Variants in PDE4D observed in about 807,000 individuals in gnomAD.
PDE4D encodes the protein 3',5'-cyclic-AMP phosphodiesterase 4D.
Under a neutral mutation model 87.4 loss-of-function variants are expected in PDE4D, and 24 were observed. That is an observed-to-expected ratio of 0.27 (90% CI 0.20 to 0.39). PDE4D has a LOEUF of 0.39. Among genes scored for constraint, PDE4D ranks in the 10% least tolerant of loss-of-function variants. The probability of loss-of-function intolerance (pLI) is 1.00; values close to 1 mark genes in which losing one functional copy is unlikely to be tolerated. For synonymous variants in PDE4D, 384 were observed against 383.2 expected (o/e 1.00, Z -0.02); for missense variants, 714 against 1,041.0 (o/e 0.69, Z 4.32).
intron 11 of PDE4D, among the ~76,000 whole-genome samples, chr5:58,983,331 G>A (rs1276088071): frequency 6.6e-6 from 1 of 152,348 alleles, no homozygotes; most frequent in East Asian, 1.9e-4. Flanking sequence ...TGGCATTAGG[G>A]CCACTTCTTT....
At chr5:60,361,899 T>C (rs1760111179) in intron 1 of PDE4D, among the ~76,000 whole-genome samples, 1 of 152,110 alleles carries the variant, frequency 6.6e-6, no homozygotes, top group Admixed American at 6.5e-5. Context: ...AACGCCAAGA[T>C]CCTAAAACTT....
intron 1 of PDE4D, among the ~76,000 whole-genome samples, chr5:59,457,694 C>CA (rs757072630): frequency 1.6e-4 from 24 of 152,152 alleles, no homozygotes; most frequent in Non-Finnish European, 3.2e-4. Flanking sequence ...AGCTCAAGAC[C>CA]AGCCTGGCCA....
At chr5:60,474,146 ATATAAC>A in intron 1 of PDE4D, among the ~76,000 whole-genome samples, 1 of 99,208 alleles carries the variant, frequency 1.0e-5, no homozygotes, top group Non-Finnish European at 1.8e-5. Flanking sequence ...ATATATATAT[ATATAAC>A]AAAAACCTTA....
chr5:60,306,571 A>C (rs553901264), intron 1 of PDE4D, among the ~76,000 whole-genome samples: 3 of 152,214 alleles, frequency 2.0e-5, no homozygotes, highest in African/African-American at 4.8e-5. Flanking sequence ...ATAAAAATCA[A>C]AGCAGAAAAA....
At chr5:59,707,674 C>T (rs1753633341) in intron 1 of PDE4D, among the ~76,000 whole-genome samples, 1 of 152,118 alleles carries the variant, frequency 6.6e-6, no homozygotes, top group South Asian at 2.1e-4. Context: ...CTAAACCCCA[C>T]TCCCTGACAG....
intron 1 of PDE4D, among the ~76,000 whole-genome samples, chr5:60,374,707 G>A (rs1761300054): frequency 6.6e-6 from 1 of 152,118 alleles, no homozygotes; most frequent in Non-Finnish European, 1.5e-5. Context: ...TAGATCATCA[G>A]GGCATTGTTC....
At chr5:59,673,019 A>G (rs1747475135) in intron 1 of PDE4D, among the ~76,000 whole-genome samples, 1 of 152,136 alleles carries the variant, frequency 6.6e-6, no homozygotes, top group Admixed American at 6.5e-5. Flanking sequence ...TTTTAACTCA[A>G]CTTTCTAAGT....
At chr5:59,829,559 A>G (rs997471419) in intron 1 of PDE4D, among the ~76,000 whole-genome samples, 4 of 152,018 alleles carry the variant, frequency 2.6e-5, no homozygotes, top group African/African-American at 9.7e-5. Flanking sequence ...TACTCTCATT[A>G]CAAGAAATCT....
chr5:60,273,002 A>G (rs534098670), intron 1 of PDE4D, among the ~76,000 whole-genome samples: 1 of 152,272 alleles, frequency 6.6e-6, no homozygotes, highest in East Asian at 1.9e-4. Context: ...CTTTCCTTAC[A>G]CTAACTGGGT....
intron 1 of PDE4D, among the ~76,000 whole-genome samples, chr5:59,888,662 C>T (rs959637506): frequency 6.6e-6 from 1 of 151,728 alleles, no homozygotes; most frequent in African/African-American, 2.4e-5. Context: ...ATACTGTTTC[C>T]TAAATTCAAA....
intron 1 of PDE4D, among the ~76,000 whole-genome samples, chr5:60,458,538 A>G (rs1746668201): frequency 1.3e-5 from 2 of 152,304 alleles, no homozygotes; most frequent in South Asian, 2.1e-4. Flanking sequence ...TTTTCAAGAC[A>G]TAAGTCAGCA....
At position 59,043,467 on chromosome 5, in the gene PDE4D, A is replaced by G. The variant is rs533291841; in HGVS notation, c.809-4496T>C. Among the ~76,000 whole-genome samples, 620 of 152,280 alleles carry G rather than the reference A, an allele frequency of 4.1e-3. 3 individuals are homozygous for G. The highest frequency in any genetic ancestry group is 0.014 in the African/African-American group (587 of 41,546). On this transcript the variant is annotated intron_variant, in intron 5 of 14. Transcript: ENST00000340635. ...GAACCCGGCAGGCAGAGGTTGCAGT[A>G]AGCTGAGATTGGGCCACTGCACTCC...
At chr5:59,475,037 A>C (rs949022720) in intron 1 of PDE4D, among the ~76,000 whole-genome samples, 2 of 152,100 alleles carry the variant, frequency 1.3e-5, no homozygotes, top group Non-Finnish European at 2.9e-5. Flanking sequence ...AAATAAAGGA[A>C]TCTTCAAGTC....
At chr5:59,664,515 T>G (rs1236384990) in intron 1 of PDE4D, among the ~76,000 whole-genome samples, 1 of 152,162 alleles carries the variant, frequency 6.6e-6, no homozygotes, top group Non-Finnish European at 1.5e-5. Flanking sequence ...TTGTAGAAAA[T>G]TTAGCAGACA....
intron 1 of PDE4D, among the ~76,000 whole-genome samples, chr5:59,540,857 T>C (rs181673766): frequency 6.6e-6 from 1 of 152,330 alleles, no homozygotes; most frequent in African/African-American, 2.4e-5. Context: ...AACCTCTGTG[T>C]CCTCTGTTGT....
intron 1 of PDE4D, among the ~76,000 whole-genome samples, chr5:59,286,903 A>G (rs1386715370): frequency 1.9e-5 from 2 of 105,712 alleles, no homozygotes; most frequent in African/African-American, 1.0e-4. Flanking sequence ...TTTCAAAAAC[A>G]CTTTCTTTGG....
chr5:59,560,417 C>T (rs772634651), intron 1 of PDE4D, among the ~76,000 whole-genome samples: 16 of 152,200 alleles, frequency 1.1e-4, no homozygotes, highest in Non-Finnish European at 2.2e-4. Flanking sequence ...CATTCACTCA[C>T]TCATTCATTC....
chr5:58,984,886 C>T (rs1746048373), intron 11 of PDE4D, among the ~76,000 whole-genome samples: 1 of 152,042 alleles, frequency 6.6e-6, no homozygotes, highest in African/African-American at 2.4e-5. Context: ...AAAGTTCATG[C>T]TGCTATTTAC....
At chr5:59,890,010 T>G (rs1421006851) in intron 1 of PDE4D, among the ~76,000 whole-genome samples, 3 of 152,226 alleles carry the variant, frequency 2.0e-5, no homozygotes, top group Non-Finnish European at 4.4e-5. Context: ...ATACATTTTT[T>G]CATTAAACAA....
Sources: allele counts gnomAD v4.1 joint callset (sites outside exome capture counted in the v4.1 genomes callset), GRCh38; gene constraint gnomAD v4.1.1; transcripts MANE v1.5; gene names NCBI Gene and HGNC (gene_info 2026-07-23, HGNC 2026-07-21).